The following PCBP3 variants were observed in gnomAD, a reference collection of about 807,000 sequenced individuals.
The protein encoded by PCBP3 is poly(rC) binding protein 3.
In PCBP3, 25 loss-of-function variants were observed where a neutral mutation model predicts 52.7. That is an observed-to-expected ratio of 0.47 (90% confidence interval 0.35 to 0.66). The LOEUF is 0.66. Ranked by LOEUF, PCBP3 falls within the 30% of genes least tolerant of loss-of-function variation. The probability of loss-of-function intolerance (pLI) is 0.01; values close to 1 mark genes in which losing one functional copy is unlikely to be tolerated. For missense variants in PCBP3, 391 were observed against 490.3 expected, an observed-to-expected ratio of 0.80 and a Z score of 1.91; for synonymous variants, 162 against 183.0, an observed-to-expected ratio of 0.89 and a Z score of 0.93.
intron 1 of PCBP3, among the ~76,000 whole-genome samples, chr21:45,664,917 T>A (rs144151730): frequency 2.0e-5 from 3 of 152,152 alleles, no homozygotes; most frequent in African/African-American, 7.2e-5. Context: ...GATTTCCAAT[T>A]TCATCCGTGA....
At chr21:45,854,578 T>C (rs1003670199) in intron 5 of PCBP3, among the ~76,000 whole-genome samples, 1 of 152,234 alleles carries the variant, frequency 6.6e-6, no homozygotes, top group African/African-American at 2.4e-5. Context: ...CACTGTGGCA[T>C]GTGTGAGAAT....
intron 3 of PCBP3, among the ~76,000 whole-genome samples, chr21:45,739,593 C>CG (rs148828990): frequency 0.062 from 6,982 of 112,622 alleles, 686 homozygotes; most frequent in Non-Finnish European, 0.09. Flanking sequence ...GGTGCCCCCC[C>CG]CCATCTTCAT....
intron 5 of PCBP3, among the ~76,000 whole-genome samples, chr21:45,868,322 C>T (rs564727760): frequency 2.0e-5 from 3 of 152,258 alleles, no homozygotes; most frequent in South Asian, 4.1e-4. Context: ...CCTGCCTGCC[C>T]GGCTGCCTGG....
At chr21:45,759,105 G>T (rs2088363771) in intron 4 of PCBP3, among the ~76,000 whole-genome samples, 1 of 152,120 alleles carries the variant, frequency 6.6e-6, no homozygotes, top group Non-Finnish European at 1.5e-5. Flanking sequence ...ATTCATGGGG[G>T]ATTTGGGTTT....
intron 5 of PCBP3, among the ~76,000 whole-genome samples, chr21:45,874,205 C>T (rs2095156318): frequency 1.3e-5 from 2 of 152,232 alleles, no homozygotes; most frequent in Non-Finnish European, 2.9e-5. Context: ...TAAAATAAAT[C>T]GGCTCACTTT....
intron 4 of PCBP3, among the ~76,000 whole-genome samples, chr21:45,796,992 A>G (rs895029537): frequency 7.2e-5 from 11 of 152,242 alleles, no homozygotes; most frequent in Non-Finnish European, 5.9e-5. Flanking sequence ...GGGACAGGCC[A>G]TGGAGAATCA....
intron 4 of PCBP3, among the ~76,000 whole-genome samples, chr21:45,784,642 G>T (rs1453545931): frequency 1.3e-5 from 2 of 152,126 alleles, no homozygotes; most frequent in Admixed American, 1.3e-4. Flanking sequence ...CGTATTTTTT[G>T]GGTGGAGACG....
In PCBP3 at chr21:45,732,943, A is replaced by G. The variant is rs182852295; in HGVS notation, c.-199-2449A>G. Among the ~76,000 whole-genome samples the G allele has an allele frequency of 2.9e-3, 448 of 152,148 alleles. 1 individual carries two copies. Among genetic ancestry groups the G allele is most frequent in the African/African-American group, 9.9e-3 (412 of 41,500 alleles). On this transcript the variant is annotated intron_variant, in intron 2 of 17. Coordinates refer to ENST00000681687, the MANE Select transcript of PCBP3 (RefSeq NM_001384156.1). ...CCACTCTGCCCTGCCTTTTGTCATT[A>G]TTTTTTAAAATATGTTTTTGGCTTG... is the stretch of plus-strand genomic sequence containing the variant.
intron 5 of PCBP3, among the ~76,000 whole-genome samples, chr21:45,890,549 C>T (rs541702920): frequency 6.9e-6 from 1 of 144,156 alleles, no homozygotes; most frequent in East Asian, 2.2e-4. Flanking sequence ...TGGAACTCCG[C>T]ATTGCTGAGG....
chr21:45,647,758 G>A (rs1239520784), intron 1 of PCBP3, among the ~76,000 whole-genome samples: 1 of 152,152 alleles, frequency 6.6e-6, no homozygotes, highest in African/African-American at 2.4e-5. Flanking sequence ...AAGTGGAGGA[G>A]GAGTTGCATG....
At chr21:45,710,507 A>G (rs912865791) in intron 2 of PCBP3, among the ~76,000 whole-genome samples, 1 of 152,196 alleles carries the variant, frequency 6.6e-6, no homozygotes, top group African/African-American at 2.4e-5. Context: ...ATGGCTGCAT[A>G]GTATTCCATG....
rs1271333614 is a variant in PCBP3, at chr21:45,800,950, G to A, written c.-126+45498G>A. ...TGGGGTGCCTGAGCATGGGGTTCCC[G>A]CCTCCTCCAGGACTTGTTGCCCGTT... On this transcript the variant is annotated intron_variant, in intron 4 of 17. Transcript: ENST00000681687. The surrounding 1 kb of genome is among the most constrained non-coding windows in gnomAD (Gnocchi z 5.3). Among the ~76,000 whole-genome samples, 3 of 152,246 alleles carry A rather than the reference G, an allele frequency of 2.0e-5. No individual in the cohort carries two copies. The highest frequency in any genetic ancestry group is 6.5e-5 in the Admixed American group (1 of 15,298).
In PCBP3 at chr21:45,836,599, G is replaced by A. The variant is rs1346901592; in HGVS notation, c.-125-13362G>A. Reference sequence around the variant, plus strand: ...ATGAGAATTAGCATATGACACGTACGTAACGTGAGCTGCGGAGCATAGCTT... The same window carrying A: ...ATGAGAATTAGCATATGACACGTACATAACGTGAGCTGCGGAGCATAGCTT... On this transcript the variant is annotated intron_variant, in intron 4 of 17. Transcript: ENST00000681687. Among the ~76,000 whole-genome samples, 9 of 151,784 alleles carry A rather than the reference G, an allele frequency of 5.9e-5. No individual in the cohort carries two copies. The East Asian group carries it at 7.7e-4, about 13-fold the overall frequency.
chr21:45,678,255 G>A (rs1287181972), intron 2 of PCBP3, among the ~76,000 whole-genome samples: 1 of 151,154 alleles, frequency 6.6e-6, no homozygotes, highest in Non-Finnish European at 1.5e-5. Flanking sequence ...GCAGTGAGCC[G>A]AGATAGTGCC....
intron 2 of PCBP3, among the ~76,000 whole-genome samples, chr21:45,670,121 A>G (rs1227953716): frequency 2.0e-5 from 3 of 151,998 alleles, no homozygotes; most frequent in Non-Finnish European, 2.9e-5. Context: ...CCTAACCAAC[A>G]CTTATTATTA....
At chr21:45,754,752 A>T (rs936374301) in intron 3 of PCBP3, among the ~76,000 whole-genome samples, 3 of 152,184 alleles carry the variant, frequency 2.0e-5, no homozygotes, top group Admixed American at 6.5e-5. Context: ...TTCTTAGAGC[A>T]TGGAAGAGAT....
intron 9 of PCBP3, among the ~76,000 whole-genome samples, chr21:45,909,121 C>T (rs1396258780): frequency 6.6e-6 from 1 of 152,128 alleles, no homozygotes; most frequent in Non-Finnish European, 1.5e-5. Context: ...CCCAACCCCA[C>T]TGCGGCACGG....
At chr21:45,819,653 A>G (rs558646444) in intron 4 of PCBP3, among the ~76,000 whole-genome samples, 1 of 152,328 alleles carries the variant, frequency 6.6e-6, no homozygotes, top group East Asian at 1.9e-4. Context: ...AGTCTTCCCC[A>G]GGTGCTATCT....
chr21:45,758,765 C>G (rs1455007435), intron 4 of PCBP3, among the ~76,000 whole-genome samples: 1 of 151,734 alleles, frequency 6.6e-6, no homozygotes, highest in East Asian at 1.9e-4. Context: ...TACTGGGATC[C>G]CCAGTGGGAT....
Sources: allele counts gnomAD v4.1 joint callset (sites outside exome capture counted in the v4.1 genomes callset), GRCh38; gene constraint gnomAD v4.1.1; non-coding constraint Gnocchi (gnomAD v3.1); transcripts MANE v1.5; gene names NCBI Gene and HGNC (gene_info 2026-07-23, HGNC 2026-07-21).